The following NCAM2 variants were observed in gnomAD, a reference collection of about 807,000 sequenced individuals.
The protein encoded by NCAM2 is N-CAM-2.
In NCAM2, 30 loss-of-function variants were observed where a neutral mutation model predicts 98.1. The ratio of observed to expected loss-of-function variants is 0.31; its 90% CI spans 0.23 to 0.41. The LOEUF (loss-of-function observed/expected upper bound fraction) is 0.41. Among genes scored for constraint, NCAM2 ranks in the 10% least tolerant of loss-of-function variants. NCAM2 has a pLI of 1.00. For missense variants in NCAM2, 867 were observed against 1,005.8 expected (o/e 0.86, Z 1.87); for synonymous variants, 368 against 342.4 (o/e 1.07, Z -0.83).
intron 8 of NCAM2, among the ~76,000 whole-genome samples, chr21:21,353,357 A>G (rs1476612770): frequency 6.6e-6 from 1 of 152,220 alleles, no homozygotes; most frequent in Non-Finnish European, 1.5e-5. Context: ...ATCTCTAGCA[A>G]TATTAATTCA....
chr21:21,357,994 G>A (rs1269679151), intron 8 of NCAM2, among the ~76,000 whole-genome samples: 1 of 152,096 alleles, frequency 6.6e-6, no homozygotes, highest in African/African-American at 2.4e-5. Context: ...CATCAACAGG[G>A]TTGTAATTAC....
At chr21:21,382,339 C>A (rs2076170589) in intron 9 of NCAM2, among the ~76,000 whole-genome samples, 2 of 151,796 alleles carry the variant, frequency 1.3e-5, no homozygotes, top group African/African-American at 2.4e-5. Flanking sequence ...TATGTTATAC[C>A]CTTTGAAATT....
chr21:21,475,389 GTA>G (rs543372415), intron 14 of NCAM2, among the ~76,000 whole-genome samples: 1 of 152,078 alleles, frequency 6.6e-6, no homozygotes, highest in Non-Finnish European at 1.5e-5. Context: ...CAACATGAGG[GTA>G]TTGCACATGT....
rs2076044525 is a variant in NCAM2, at chr21:21,376,891, ATTAT to A, written c.1195+2881_1195+2884del. Among the ~76,000 whole-genome samples, 4 of 151,854 alleles carry A rather than the reference ATTAT, an allele frequency of 2.6e-5. No homozygotes were observed. In the South Asian group the frequency reaches 8.3e-4, roughly 31 times the overall value. On this transcript the variant is annotated intron_variant, in intron 9 of 17. Transcript: ENST00000400546. ...TGTTTTCTAAAAGGATGTTTTGAGA[ATTAT>A]TTGAGTATCCCCTGAGATTATTATT...
intron 9 of NCAM2, among the ~76,000 whole-genome samples, chr21:21,405,652 G>A (rs1256587658): frequency 6.6e-6 from 1 of 151,982 alleles, no homozygotes; most frequent in Non-Finnish European, 1.5e-5. Flanking sequence ...ATGATCAAGG[G>A]CAAAAGTTCT....
At chr21:21,435,526 G>C (rs905970218) in intron 12 of NCAM2, among the ~76,000 whole-genome samples, 2 of 152,078 alleles carry the variant, frequency 1.3e-5, no homozygotes, top group Admixed American at 1.3e-4. Context: ...GGAAGGACAG[G>C]GGGCATGGGA....
chr21:21,496,810 C>T lies in NCAM2; in HGVS notation c.2078-12041C>T, dbSNP rs191026334. Reference sequence around the variant, plus strand: ...TTGTATATGGTGAAAGGTAGGGATCCAGATAAAATCTTCTGCATTGGGCTA... The same window carrying T: ...TTGTATATGGTGAAAGGTAGGGATCTAGATAAAATCTTCTGCATTGGGCTA... On this transcript the variant is annotated intron_variant, in intron 15 of 17. Coordinates refer to ENST00000400546, the MANE Select transcript of NCAM2 (RefSeq NM_004540.5). 4.9e-3 allele frequency among the ~76,000 whole-genome samples: 753 copies of T among 152,144 alleles called. 1 individual carries two copies. The highest frequency in any genetic ancestry group is 8.2e-3 in the Non-Finnish European group (556 of 67,992).
At chr21:21,346,644 T>C (rs1000245278) in intron 8 of NCAM2, among the ~76,000 whole-genome samples, 3 of 151,938 alleles carry the variant, frequency 2.0e-5, no homozygotes, top group African/African-American at 7.2e-5. Context: ...ACAAAGCAAA[T>C]GTTAAAATAT....
chr21:21,428,165 C>T (rs1031043931), intron 11 of NCAM2, among the ~76,000 whole-genome samples: 1 of 152,094 alleles, frequency 6.6e-6, no homozygotes, highest in African/African-American at 2.4e-5. Flanking sequence ...TGCACAATTG[C>T]TTTTCTATTC....
At chr21:21,327,306 C>T (rs957410239) in intron 6 of NCAM2, among the ~76,000 whole-genome samples, 3 of 82,210 alleles carry the variant, frequency 3.6e-5, no homozygotes, top group African/African-American at 1.1e-4. Context: ...GACTCTGTCT[C>T]AAAAAAAAAA....
chr21:21,025,351 C>T (rs925433669), intron 1 of NCAM2, among the ~76,000 whole-genome samples: 4 of 152,122 alleles, frequency 2.6e-5, no homozygotes, highest in African/African-American at 9.7e-5. Flanking sequence ...TCCCAAAGTC[C>T]TGGGATTACA....
intron 1 of NCAM2, among the ~76,000 whole-genome samples, chr21:21,167,484 A>G (rs2067988729): frequency 6.6e-6 from 1 of 152,174 alleles, no homozygotes; most frequent in Admixed American, 6.5e-5. Flanking sequence ...TAAAACAAAT[A>G]CATCAATGAA....
chr21:21,289,393 G>A lies in NCAM2; in HGVS notation c.482-2711G>A, dbSNP rs145608008. Among the ~76,000 whole-genome samples, 566 of 152,004 alleles carry A rather than the reference G, an allele frequency of 3.7e-3. 4 individuals carry two copies. Among genetic ancestry groups the A allele is most frequent in the African/African-American group, 0.013 (540 of 41,522 alleles). On this transcript the variant is annotated intron_variant, in intron 4 of 17. Transcript: ENST00000400546. ...ACATTGAGTCTATGATAACGAAATT[G>A]TGGTAATAAAGGATGATAAAATAAA...
intron 1 of NCAM2, among the ~76,000 whole-genome samples, chr21:21,029,390 C>A (rs1252094801): frequency 3.9e-5 from 6 of 152,104 alleles, no homozygotes; most frequent in African/African-American, 1.4e-4. Context: ...ACCAGAATGG[C>A]AAGTAGTTTT....
intron 1 of NCAM2, among the ~76,000 whole-genome samples, chr21:21,049,280 T>C (rs542784758): frequency 2.6e-5 from 4 of 152,176 alleles, no homozygotes; most frequent in African/African-American, 9.6e-5. Flanking sequence ...CGGCCTCGCA[T>C]ATTTCCTTTA....
intron 1 of NCAM2, among the ~76,000 whole-genome samples, chr21:21,205,172 C>T (rs936218239): frequency 5.3e-5 from 8 of 152,092 alleles, no homozygotes; most frequent in African/African-American, 1.9e-4. Flanking sequence ...TATATTTCAC[C>T]TGCCGACAAA....
intron 4 of NCAM2, among the ~76,000 whole-genome samples, chr21:21,287,145 G>A (rs1232762047): frequency 6.6e-6 from 1 of 151,904 alleles, no homozygotes; most frequent in Non-Finnish European, 1.5e-5. Flanking sequence ...TGTTCATAGG[G>A]AGCATTTTCA....
intron 15 of NCAM2, among the ~76,000 whole-genome samples, chr21:21,496,478 G>C (rs959549161): frequency 5.9e-5 from 9 of 151,902 alleles, no homozygotes. Flanking sequence ...TTTATTGCTG[G>C]TTGATTTAAG....
chr21:21,457,392 A>G (rs1982308008), intron 12 of NCAM2, among the ~76,000 whole-genome samples: 1 of 152,216 alleles, frequency 6.6e-6, no homozygotes, highest in Non-Finnish European at 1.5e-5. Context: ...TTGTCATCCC[A>G]GCACTTTGGA....
Sources: gnomAD v4.1 joint callset for allele counts (sites outside exome capture counted in the v4.1 genomes callset) on GRCh38, gnomAD v4.1.1 for gene constraint, MANE v1.5 for transcripts, NCBI Gene and HGNC (gene_info 2026-07-23, HGNC 2026-07-21) for gene names.